Variants in PALD1 observed in about 807,000 individuals in gnomAD.
PALD1 encodes the protein phosphatase domain containing paladin 1.
Under a neutral mutation model 96.0 loss-of-function variants are expected in PALD1, and 57 were observed. The observed-to-expected ratio is 0.59, with a 90% CI of 0.48 to 0.74. PALD1 has a LOEUF of 0.74. PALD1 is among the 30% of genes least tolerant of loss of function. The probability of loss-of-function intolerance (pLI) is 0.00; values close to 1 mark genes in which losing one functional copy is unlikely to be tolerated. For synonymous variants in PALD1, 464 were observed against 473.6 expected, an observed-to-expected ratio of 0.98 and a Z score of 0.26; for missense variants, 1,063 against 1,143.7, an observed-to-expected ratio of 0.93 and a Z score of 1.02.
At chr10:70,482,403 G>T (rs1235642676) in intron 1 of PALD1, among the ~76,000 whole-genome samples, 1 of 152,168 alleles carries the variant, frequency 6.6e-6, no homozygotes, top group African/African-American at 2.4e-5. Context: ...CCCTGTCTTG[G>T]GCCAAGGCAC....
At chr10:70,544,768 T>C (rs1847325724) in intron 17 of PALD1, among the ~76,000 whole-genome samples, 3 of 152,164 alleles carry the variant, frequency 2.0e-5, no homozygotes, top group African/African-American at 7.2e-5. Flanking sequence ...GGGACCTGCC[T>C]AGAGCTTGGG....
Position 70,540,635 on chromosome 10 carries a change from C to A in PALD1, c.1909-467C>A, listed in dbSNP as rs762066669. ...GAGCCCCTCCTGGCGCATCTCTTCG[C>A]GGCTCTCACTGCCTGCGGTCTGCTG... On this transcript the variant is annotated intron_variant, in intron 15 of 19. Coordinates refer to ENST00000263563, the MANE Select transcript of PALD1 (RefSeq NM_014431.3). The surrounding 1 kb of genome is among the most constrained non-coding windows in gnomAD (Gnocchi z 4.2). Among the ~76,000 whole-genome samples the A allele has an allele frequency of 1.3e-5, 2 of 152,120 alleles. No individual in the cohort carries two copies. Among genetic ancestry groups the A allele is most frequent in the Non-Finnish European group, 2.9e-5 (2 of 68,010 alleles).
At chr10:70,519,519 C>T (rs1195735049) in intron 1 of PALD1, among the ~76,000 whole-genome samples, 1 of 151,996 alleles carries the variant, frequency 6.6e-6, no homozygotes, top group African/African-American at 2.4e-5. Flanking sequence ...CCCCTCTCCC[C>T]CAAAGCCTCC....
At chr10:70,547,104 A>G (rs1847381680) in intron 17 of PALD1, among the ~76,000 whole-genome samples, 2 of 152,174 alleles carry the variant, frequency 1.3e-5, no homozygotes, top group Admixed American at 1.3e-4. Context: ...GAAAAAGAAA[A>G]GCATCTGGGT....
intron 1 of PALD1, among the ~76,000 whole-genome samples, chr10:70,506,990 G>A (rs971176753): frequency 6.6e-6 from 1 of 152,080 alleles, no homozygotes; most frequent in Non-Finnish European, 1.5e-5. Context: ...TTGTACTGTG[G>A]GACCTGGACT....
the PALD1 span, among the ~76,000 whole-genome samples, chr10:70,466,671 A>G: frequency 6.6e-6 from 1 of 152,234 alleles, no homozygotes; most frequent in East Asian, 1.9e-4. Context: ...CCATTAAACA[A>G]TCACCGAGGC....
In PALD1 at chr10:70,481,979, G is replaced by A. The variant is rs116943653; in HGVS notation, c.-30+2920G>A. Among the ~76,000 whole-genome samples, 177 of 152,310 alleles carry A rather than the reference G, an allele frequency of 1.2e-3. 2 individuals carry two copies. In the East Asian group the frequency reaches 0.032, roughly 28 times the overall value. ...CCTCTACCTCCTTGTGGGTTCAGTG[G>A]GAGAAAATCAGTGCAAAGCATGTGG... On this transcript the variant is annotated intron_variant, in intron 1 of 19. Coordinates refer to ENST00000263563, the MANE Select transcript of PALD1 (RefSeq NM_014431.3).
chr10:70,486,600 A>C (rs1846019944), intron 1 of PALD1, among the ~76,000 whole-genome samples: 1 of 152,042 alleles, frequency 6.6e-6, no homozygotes, highest in Admixed American at 6.6e-5. Flanking sequence ...ATCTCTACTA[A>C]TAATACAAAA....
At chr10:70,541,298 C>T in intron 16 of PALD1, 56 bp downstream of exon 16, 1 of 1,563,948 alleles carries the variant, frequency 6.4e-7, no homozygotes. Context: ...GGTAGACACT[C>T]AGGTCCCAGG....
chr10:70,535,688 T>A (rs2132383945), intron 10 of PALD1, among the ~76,000 whole-genome samples: 1 of 150,822 alleles, frequency 6.6e-6, no homozygotes. Flanking sequence ...CTTCTCCTTT[T>A]TCTTCTTCTC....
chr10:70,531,542 T>G, intron 5 of PALD1, 88 bp downstream of exon 5: 1 of 1,306,774 alleles, frequency 7.7e-7, no homozygotes, highest in Non-Finnish European at 1.0e-6. Context: ...CTGCTCTTAC[T>G]GGCCCGTGTT....
intron 1 of PALD1, among the ~76,000 whole-genome samples, chr10:70,509,025 C>T (rs575587042): frequency 1.3e-5 from 2 of 152,302 alleles, no homozygotes; most frequent in Admixed American, 6.5e-5. Context: ...GCAGATGTTT[C>T]CTCCAGCTGG....
chr10:70,514,498 T>G (rs1846582458), intron 1 of PALD1, among the ~76,000 whole-genome samples: 1 of 152,160 alleles, frequency 6.6e-6, no homozygotes, highest in Non-Finnish European at 1.5e-5. Flanking sequence ...CTTCCTAGTT[T>G]TAAAGAGAAA....
chr10:70,490,290 C>G (rs370068628), intron 1 of PALD1, among the ~76,000 whole-genome samples: 1 of 152,106 alleles, frequency 6.6e-6, no homozygotes, highest in African/African-American at 2.4e-5. Flanking sequence ...GGTGCAATCA[C>G]GGCTCACTGA....
intron 18 of PALD1, among the ~76,000 whole-genome samples, chr10:70,561,090 A>T (rs1847729674): frequency 6.6e-6 from 1 of 152,158 alleles, no homozygotes; most frequent in Non-Finnish European, 1.5e-5. Context: ...ATTTGGAGAT[A>T]ATTCTACCTT....
intron 1 of PALD1, among the ~76,000 whole-genome samples, chr10:70,524,756 A>AT (rs1411781168): frequency 6.6e-6 from 1 of 152,128 alleles, no homozygotes; most frequent in African/African-American, 2.4e-5. Flanking sequence ...ATTCTACCCT[A>AT]TAGATGTCTC....
chr10:70,563,017 A>G (rs989015061), intron 18 of PALD1, among the ~76,000 whole-genome samples: 2 of 152,188 alleles, frequency 1.3e-5, no homozygotes, highest in African/African-American at 4.8e-5. Context: ...CCAGTACTGA[A>G]GCCATAACGT....
intron 18 of PALD1, among the ~76,000 whole-genome samples, chr10:70,550,631 G>A (rs951707806): frequency 6.6e-6 from 1 of 152,108 alleles, no homozygotes; most frequent in Non-Finnish European, 1.5e-5. Flanking sequence ...GCTAGCAATC[G>A]CTTCCCCTCC....
the PALD1 span, among the ~76,000 whole-genome samples, chr10:70,464,624 CTTTTTTT>C: frequency 8.7e-6 from 1 of 115,276 alleles, no homozygotes; most frequent in Non-Finnish European, 1.8e-5. Context: ...ACTGTACCTC[CTTTTTTT>C]TTTTTTTTTT....
Sources: allele counts gnomAD v4.1 joint callset (sites outside exome capture counted in the v4.1 genomes callset), GRCh38; gene constraint gnomAD v4.1.1; non-coding constraint Gnocchi (gnomAD v3.1); transcripts MANE v1.5; gene names NCBI Gene and HGNC (gene_info 2026-07-23, HGNC 2026-07-21).